TMEM94: variants seen among roughly 807,000 people sequenced by gnomAD.
TMEM94 encodes the protein transmembrane protein 94, also known as ER Mg2+ ATPase.
Under a neutral mutation model 158.6 loss-of-function variants are expected in TMEM94, and 81 were observed. The ratio of observed to expected loss-of-function variants is 0.51; its 90% CI spans 0.43 to 0.61. TMEM94 has a LOEUF of 0.61. Ranked by LOEUF, TMEM94 falls within the 20% of genes least tolerant of loss-of-function variation. TMEM94 has a pLI of 0.00. For synonymous variants in TMEM94, 751 were observed against 730.7 expected (o/e 1.03, Z -0.45); for missense variants, 1,435 against 1,762.0 (o/e 0.81, Z 3.32).
chr17:75,491,502 A>T lies in TMEM94; in HGVS notation c.1386+47A>T. ...GCTCCCATGGGCCCGACTCTGGGCC[A>T]GGCTGTTTAGCCTTGGAGCCTGGCC... On this transcript the variant is annotated intron_variant, in intron 13 of 31. Transcript: ENST00000314256. This position sits in a 1 kb window ranked among gnomAD's most constrained non-coding sequence, Gnocchi z 5.1. 6.2e-7 allele frequency: 1 copy of T among 1,613,302 alleles called. No homozygotes were observed. Among genetic ancestry groups the T allele is most frequent in the Non-Finnish European group, 8.5e-7 (1 of 1,179,716 alleles).
chr17:75,491,069 G>T lies in TMEM94; in HGVS notation c.1149G>T (p.Trp383Cys). Residue 383 changes from tryptophan (W) to cysteine (C), a missense_variant, in exon 12 of 32, where the codon TGG becomes TGT. By Grantham distance (215) the Trp-to-Cys change is radical (BLOSUM62 -2). Around this residue, in one of 3 missense-constraint regions of TMEM94, gnomAD observed 1,051 missense variants for 1,254.4 expected, o/e 0.84. Coordinates refer to ENST00000314256, the MANE Select transcript of TMEM94 (RefSeq NM_014738.6). This position sits in a 1 kb window ranked among gnomAD's most constrained non-coding sequence, Gnocchi z 5.1. ...ACCAGGAAATGCTGCGCTGCATTTGGGGCCACTTCCTGAGGGTGCTCGGGG... is the reference window on the plus strand; with the variant it reads ...ACCAGGAAATGCTGCGCTGCATTTGTGGCCACTTCCTGAGGGTGCTCGGGG... The part of the protein sequence containing the change: ...VSSQEMLRCI[W>C]GHFLRVLGGT... The T allele has an allele frequency of 6.2e-7, 1 of 1,612,748 alleles. No homozygotes were observed. The highest frequency in any genetic ancestry group is 8.5e-7 in the Non-Finnish European group (1 of 1,179,310).
At chr17:75,464,603 TTTCCTTCCTTTCTTTCTTTCCTTCC>T (rs1373754335) in intron 1 of TMEM94, among the ~76,000 whole-genome samples, 39 of 57,946 alleles carry the variant, frequency 6.7e-4, no homozygotes, top group African/African-American at 1.3e-3. Flanking sequence ...TCTTTCTTTC[TTTCCTTCCTTTCTTTCTTTCCTTCC>T]TTCCTTCCTT....
chr17:75,486,686 C>T (rs995944554), intron 5 of TMEM94, among the ~76,000 whole-genome samples: 45 of 152,278 alleles, frequency 3.0e-4, no homozygotes, highest in African/African-American at 9.1e-4. Flanking sequence ...GGCTGGCTCA[C>T]GTTGGGAAAC....
intron 2 of TMEM94, among the ~76,000 whole-genome samples, chr17:75,473,225 G>A (rs2050561652): frequency 6.6e-6 from 1 of 152,162 alleles, no homozygotes; most frequent in African/African-American, 2.4e-5. Context: ...CTGTGCAATA[G>A]GTTTCTGGAA....
chr17:75,486,530 A>G (rs2051628540), intron 5 of TMEM94, 104 bp downstream of exon 5: 2 of 1,390,272 alleles, frequency 1.4e-6, no homozygotes, highest in Non-Finnish European at 2.0e-6. Context: ...GCCTGTGGCC[A>G]GCATTGCAGG....
At chr17:75,458,991 A>C (rs571254190) in intron 1 of TMEM94, among the ~76,000 whole-genome samples, 2 of 151,350 alleles carry the variant, frequency 1.3e-5, no homozygotes, top group African/African-American at 2.4e-5. Flanking sequence ...CGGGAGGCAG[A>C]GCTTGCAGTG....
intron 1 of TMEM94, among the ~76,000 whole-genome samples, chr17:75,466,960 A>G (rs1161453237): frequency 1.3e-5 from 2 of 149,914 alleles, no homozygotes; most frequent in African/African-American, 5.0e-5. Flanking sequence ...TATTTTTATT[A>G]GAATAATTTC....
At chr17:75,459,113 C>T (rs910253830) in intron 1 of TMEM94, among the ~76,000 whole-genome samples, 1 of 148,996 alleles carries the variant, frequency 6.7e-6, no homozygotes, top group African/African-American at 2.5e-5. Flanking sequence ...TGGTGGTTAA[C>T]CCTAGAACAG....
Position 75,489,438 on chromosome 17 carries a change from G to A in TMEM94, c.867+70G>A. 6.6e-7 allele frequency: 1 copy of A among 1,520,698 alleles called. No individual in the cohort carries two copies. Among genetic ancestry groups the A allele is most frequent in the Non-Finnish European group, 9.1e-7 (1 of 1,095,904 alleles). The allele number at this position is 1,520,698 out of a possible 1,614,324, so 94.2% of individuals were successfully genotyped here. On this transcript the variant is annotated intron_variant, in intron 8 of 31. Coordinates refer to ENST00000314256, the MANE Select transcript of TMEM94 (RefSeq NM_014738.6). This position sits in a 1 kb window ranked among gnomAD's most constrained non-coding sequence, Gnocchi z 5.0. ...GGGCTGGACACGGGGGGGTCTCAGG[G>A]CCACTCACATGAGCGGGAGTGAATG...
chr17:75,484,601 T>C (rs2051436582), intron 2 of TMEM94, among the ~76,000 whole-genome samples: 1 of 151,934 alleles, frequency 6.6e-6, no homozygotes, highest in Non-Finnish European at 1.5e-5. Context: ...TCCTCTATGT[T>C]GCCCAGACTA....
At chr17:75,458,880 A>G (rs1360125270) in intron 1 of TMEM94, among the ~76,000 whole-genome samples, 1 of 151,442 alleles carries the variant, frequency 6.6e-6, no homozygotes, top group African/African-American at 2.4e-5. Context: ...ACACGGTGAA[A>G]CCCCATCTCT....
intron 1 of TMEM94, among the ~76,000 whole-genome samples, chr17:75,464,598 CTTTCT>C (rs2050219362): frequency 2.1e-5 from 1 of 46,802 alleles, no homozygotes; most frequent in African/African-American, 5.2e-5. Flanking sequence ...TTCTTTCTTT[CTTTCT>C]TTCCTTCCTT....
In TMEM94 at chr17:75,499,062, C is replaced by T. The variant is rs766289216; in HGVS notation, c.3978C>T (p.Ile1326=). ...SLVLVVVTNE[I]VKLHEIRVRV... The stretch of plus-strand genomic sequence containing the variant: ...TCCTTGTGGTGGTGACCAATGAGAT[C>T]GTGAAGCTACATGAGATTCGGTGAG... Residue 1326 remains isoleucine, a synonymous_variant, in exon 31 of 32, where the codon ATC becomes ATT. Transcript: ENST00000314256. 29 of 1,590,634 alleles carry T rather than the reference C, an allele frequency of 1.8e-5. No homozygotes were observed. In the Admixed American group the frequency reaches 4.8e-4, roughly 26 times the overall value.
chr17:75,468,483 G>A lies in TMEM94; in HGVS notation c.-106-3317G>A, dbSNP rs1348390385. Among the ~76,000 whole-genome samples, 4 of 152,338 alleles carry A rather than the reference G, an allele frequency of 2.6e-5. No homozygotes were observed. The South Asian group carries it at 6.2e-4, about 24-fold the overall frequency. Reference sequence around the variant, plus strand: ...GTCATGGGGACCTTGAGCTGCAGTCGTAAGCAGGACTGGGGCAGCCTGAGT... The same window carrying A: ...GTCATGGGGACCTTGAGCTGCAGTCATAAGCAGGACTGGGGCAGCCTGAGT... On this transcript the variant is annotated intron_variant, in intron 1 of 31. Coordinates refer to ENST00000314256, the MANE Select transcript of TMEM94 (RefSeq NM_014738.6).
At position 75,499,665 on chromosome 17, in the gene TMEM94, G is replaced by A. The variant is rs979781429; in HGVS notation, c.*331G>A. Reference sequence around the variant, plus strand: ...CCTTTAGGGATCCCTTGCCCCCTTGGAGATCCCTTGCCCCCCAGTGCCTCT... The same window carrying A: ...CCTTTAGGGATCCCTTGCCCCCTTGAAGATCCCTTGCCCCCCAGTGCCTCT... On this transcript the variant is annotated 3_prime_UTR_variant, in exon 32 of 32. Transcript: ENST00000314256. 1.0e-5 allele frequency: 3 copies of A among 286,104 alleles called. No individual in the cohort carries two copies. Among genetic ancestry groups the A allele is most frequent in the Non-Finnish European group, 2.0e-5 (3 of 150,946 alleles). 17.7% of individuals were successfully genotyped at this position (286,104 alleles called of 1,614,324 possible).
chr17:75,485,587 T>G lies in TMEM94; in HGVS notation c.144+40T>G, dbSNP rs747677779. On this transcript the variant is annotated intron_variant, in intron 3 of 31. Coordinates refer to ENST00000314256, the MANE Select transcript of TMEM94 (RefSeq NM_014738.6). This position sits in a 1 kb window ranked among gnomAD's most constrained non-coding sequence, Gnocchi z 5.5. ...CGGGGCTACCAGGGCCTGGCTGGGA[T>G]GGCAGGGAAGTGTGGGAGGCCCCTT... 3.8e-5 allele frequency: 62 copies of G among 1,613,348 alleles called. No individual in the cohort carries two copies. The highest frequency in any genetic ancestry group is 1.6e-4 in the Middle Eastern group (1 of 6,082).
chr17:75,465,350 ATGT>A (rs1224841977), intron 1 of TMEM94, among the ~76,000 whole-genome samples: 3 of 151,990 alleles, frequency 2.0e-5, no homozygotes, highest in East Asian at 1.9e-4. Flanking sequence ...CCAATAATTA[ATGT>A]TGTTGACCAT....
chr17:75,498,303 C>T lies in TMEM94; in HGVS notation c.3618C>T (p.Cys1206=). 6.2e-7 allele frequency: 1 copy of T among 1,613,246 alleles called. No individual in the cohort carries two copies. Among genetic ancestry groups the T allele is most frequent in the South Asian group, 1.1e-5 (1 of 91,090 alleles). The part of the protein sequence containing the change: ...DSSRDRNLTN[C]SSVMLPSNDD... ...CCCGGGACCGCAACCTCACCAACTG[C>T]TCCTCCGTCATGCTGCCCAGGTGGG... The change falls in exon 28 of 32, where the codon TGC becomes TGT. Residue 1206 remains cysteine, a synonymous_variant. Coordinates refer to ENST00000314256, the MANE Select transcript of TMEM94 (RefSeq NM_014738.6). The surrounding 1 kb of genome is among the most constrained non-coding windows in gnomAD (Gnocchi z 6.7).
At chr17:75,490,388 A>T (rs2052058994) in intron 10 of TMEM94, 38 bp downstream of exon 10, 1 of 1,599,856 alleles carries the variant, frequency 6.3e-7, no homozygotes, top group South Asian at 1.1e-5. Flanking sequence ...AGTCACAGGA[A>T]CAAAAAGAGG....
Sources: gnomAD v4.1 joint callset for allele counts (sites outside exome capture counted in the v4.1 genomes callset) on GRCh38, gnomAD v4.1.1 for gene constraint, gnomAD v4.1.1 regional missense constraint, Gnocchi (gnomAD v3.1) non-coding constraint, MANE v1.5 for transcripts, NCBI Gene and HGNC (gene_info 2026-07-23, HGNC 2026-07-21) for gene names.